Variants in RPTOR observed in about 807,000 individuals in gnomAD.
RPTOR encodes the protein regulatory associated protein of MTOR complex 1.
In RPTOR, 21 loss-of-function variants were observed where a neutral mutation model predicts 169.9. That is an observed-to-expected ratio of 0.12 (90% CI 0.09 to 0.18). The LOEUF (loss-of-function observed/expected upper bound fraction) is 0.18. Ranked by LOEUF, RPTOR falls within the 10% of genes least tolerant of loss-of-function variation. The pLI, the probability that RPTOR is intolerant of heterozygous loss-of-function variation, is 1.00. For missense variants in RPTOR, 1,133 were observed against 1,855.9 expected, an observed-to-expected ratio of 0.61 and a Z score of 7.16; for synonymous variants, 732 against 753.2, an observed-to-expected ratio of 0.97 and a Z score of 0.46.
At chr17:80,777,637 C>T (rs1466418166) in intron 6 of RPTOR, among the ~76,000 whole-genome samples, 5 of 151,776 alleles carry the variant, frequency 3.3e-5, no homozygotes, top group Non-Finnish European at 5.9e-5. Flanking sequence ...GTTGCTGTCA[C>T]CTGTACTTTT....
At chr17:80,886,450 C>G (rs1036582579) in intron 17 of RPTOR, among the ~76,000 whole-genome samples, 19 of 152,188 alleles carry the variant, frequency 1.2e-4, no homozygotes, top group African/African-American at 4.1e-4. Flanking sequence ...TCTTTTGGCC[C>G]CTGCTGAATT....
intron 2 of RPTOR, among the ~76,000 whole-genome samples, chr17:80,634,367 ATACTGTGTGTGTGC>A (rs2065473931): frequency 1.7e-5 from 1 of 59,512 alleles, no homozygotes; most frequent in Non-Finnish European, 3.1e-5. Flanking sequence ...CTGTGTGTGC[ATACTGTGTGTGTGC>A]ATACTGTGTG....
chr17:80,896,396 C>CCA (rs1319170187), intron 20 of RPTOR, among the ~76,000 whole-genome samples: 303 of 28,746 alleles, frequency 0.011, 4 homozygotes, highest in African/African-American at 0.019. Context: ...CGCTGACACC[C>CCA]CACGGCCGCA....
At chr17:80,876,450 CG>C (rs2068114959) in intron 13 of RPTOR, among the ~76,000 whole-genome samples, 1 of 2,870 alleles carries the variant, frequency 3.5e-4, no homozygotes, top group East Asian at 6.4e-3. Flanking sequence ...GTCTTCCCAC[CG>C]AGCCCGTGCC....
At chr17:80,635,928 G>A (rs1197578518) in intron 2 of RPTOR, among the ~76,000 whole-genome samples, 3 of 152,198 alleles carry the variant, frequency 2.0e-5, no homozygotes, top group South Asian at 2.1e-4. Context: ...TGAGAATGAC[G>A]GGGGCCATGG....
chr17:80,822,831 CTG>C (rs60791031), intron 8 of RPTOR, among the ~76,000 whole-genome samples: 3,745 of 151,926 alleles, frequency 0.025, 144 homozygotes, highest in African/African-American at 0.086. Context: ...TGTAATGTAT[CTG>C]TATAGGTACA....
chr17:80,560,432 G>C (rs767322825), intron 1 of RPTOR, among the ~76,000 whole-genome samples: 1 of 152,212 alleles, frequency 6.6e-6, no homozygotes, highest in African/African-American at 2.4e-5. Flanking sequence ...TAATTCCTGC[G>C]TTGAAGGTGT....
In RPTOR at chr17:80,876,172, G is replaced by A. The variant is rs71368095; in HGVS notation, c.1510-4243G>A. Reference sequence around the variant, plus strand: ...GGGTCTTCCACCGAGCCCGTGCCACGCAGGGTGTGTGTGTCGCCTGCCGTG... The same window carrying A: ...GGGTCTTCCACCGAGCCCGTGCCACACAGGGTGTGTGTGTCGCCTGCCGTG... On this transcript the variant is annotated intron_variant, in intron 13 of 33. Transcript: ENST00000306801. Among the ~76,000 whole-genome samples the A allele has an allele frequency of 4.9e-4, 31 of 63,484 alleles. 6 individuals are homozygous for A. The highest frequency in any genetic ancestry group is 1.7e-3 in the East Asian group (2 of 1,174). The allele number at this position is 63,484 out of a possible 152,430, so 41.6% of individuals were successfully genotyped here.
intron 9 of RPTOR, among the ~76,000 whole-genome samples, chr17:80,831,798 C>T (rs117613638): frequency 4.0e-5 from 6 of 148,268 alleles, no homozygotes; most frequent in Admixed American, 1.3e-4. Context: ...TGTGTGTCAC[C>T]GTGTATCCCT....
At chr17:80,776,090 G>A (rs1053241913) in intron 6 of RPTOR, among the ~76,000 whole-genome samples, 4 of 152,038 alleles carry the variant, frequency 2.6e-5, no homozygotes, top group Admixed American at 1.3e-4. Context: ...TCTCAGCTAC[G>A]TGGAAAGCTG....
intron 1 of RPTOR, among the ~76,000 whole-genome samples, chr17:80,546,011 C>A (rs896988428): frequency 5.3e-5 from 8 of 152,000 alleles, no homozygotes; most frequent in Non-Finnish European, 7.3e-5. Flanking sequence ...TAATTCAATT[C>A]CAACTAAGTT....
chr17:80,613,069 C>A (rs567948384), intron 1 of RPTOR, among the ~76,000 whole-genome samples: 1 of 152,240 alleles, frequency 6.6e-6, no homozygotes, highest in South Asian at 2.1e-4. Context: ...AAGATGAAGG[C>A]CCCCCTGCCC....
At chr17:80,736,643 T>TTTCTTTGCTACTCTTGTAGACAGGCACAC (rs2066436063) in intron 5 of RPTOR, among the ~76,000 whole-genome samples, 1 of 152,220 alleles carries the variant, frequency 6.6e-6, no homozygotes, top group Non-Finnish European at 1.5e-5. Flanking sequence ...ATCTTCTTCA[T>TTTCTTTGCTACTCTTGTAGACAGGCACAC]TTCTTTGCTA....
chr17:80,547,465 A>G (rs907562714), intron 1 of RPTOR, among the ~76,000 whole-genome samples: 2 of 152,230 alleles, frequency 1.3e-5, no homozygotes, highest in African/African-American at 4.8e-5. Context: ...TGAATGATCA[A>G]CATTCCCTAA....
chr17:80,851,595 C>T (rs2067793973), intron 11 of RPTOR, among the ~76,000 whole-genome samples: 2 of 152,190 alleles, frequency 1.3e-5, no homozygotes, highest in Non-Finnish European at 1.5e-5. Context: ...CCCATGCTGC[C>T]CAAGGACCTC....
chr17:80,833,519 C>G (rs556871519), intron 9 of RPTOR, among the ~76,000 whole-genome samples: 2 of 152,216 alleles, frequency 1.3e-5, no homozygotes, highest in African/African-American at 2.4e-5. Flanking sequence ...CTGCTGCCGC[C>G]GAAGCCCACC....
rs553783030 is a variant in RPTOR at position 80,738,204 on chromosome 17, G to C, written c.654+7498G>C. ...AGCAGGAGATGCCCAGCCCGGCCCC[G>C]TGTACCTGGCAGGCCTCAGCCTGTG... On this transcript the variant is annotated intron_variant, in intron 5 of 33. Transcript: ENST00000306801. Among the ~76,000 whole-genome samples, 6 of 152,356 alleles carry C rather than the reference G, an allele frequency of 3.9e-5. No homozygotes were observed. In the East Asian group the frequency reaches 1.2e-3, roughly 29 times the overall value.
chr17:80,713,958 G>C (rs1177127656), intron 4 of RPTOR, among the ~76,000 whole-genome samples: 1 of 151,980 alleles, frequency 6.6e-6, no homozygotes, highest in South Asian at 2.1e-4. Context: ...TTTTTTTTGA[G>C]ATGGAGTCTC....
chr17:80,584,848 G>A (rs1186017785), intron 1 of RPTOR, among the ~76,000 whole-genome samples: 3 of 152,198 alleles, frequency 2.0e-5, no homozygotes, highest in African/African-American at 7.2e-5. Context: ...TGAGTTATGA[G>A]GCTTTATTAA....
Sources: allele counts gnomAD v4.1 joint callset (sites outside exome capture counted in the v4.1 genomes callset), GRCh38; gene constraint gnomAD v4.1.1; transcripts MANE v1.5; gene names NCBI Gene and HGNC (gene_info 2026-07-23, HGNC 2026-07-21).